KIF20B: variants seen among roughly 807,000 people sequenced by gnomAD.
The protein encoded by KIF20B is kinesin-like protein KIF20B.
In KIF20B, 188 loss-of-function variants were observed where a neutral mutation model predicts 232.5. The ratio of observed to expected loss-of-function variants is 0.81; its 90% CI spans 0.72 to 0.91. The LOEUF is 0.91. KIF20B is among the 40% of genes least tolerant of loss of function. The probability of loss-of-function intolerance (pLI) is 0.00; values close to 1 mark genes in which losing one functional copy is unlikely to be tolerated. For synonymous variants in KIF20B, 712 were observed against 683.0 expected (o/e 1.04, Z -0.66); for missense variants, 2,154 against 2,055.9 (o/e 1.05, Z -0.92).
chr10:89,732,445 G>A (rs1258222269), intron 18 of KIF20B, among the ~76,000 whole-genome samples: 1 of 151,590 alleles, frequency 6.6e-6, no homozygotes, highest in Non-Finnish European at 1.5e-5. Flanking sequence ...TTCAAGGGAG[G>A]CAGTCTGCCT....
intron 29 of KIF20B, among the ~76,000 whole-genome samples, chr10:89,765,735 G>A (rs1175302454): frequency 6.6e-6 from 1 of 152,092 alleles, no homozygotes; most frequent in Non-Finnish European, 1.5e-5. Context: ...CGTCTGTTAA[G>A]TATTTTATTT....
intron 1 of KIF20B, among the ~76,000 whole-genome samples, chr10:89,704,367 G>C (rs1842678389): frequency 6.6e-6 from 1 of 151,956 alleles, no homozygotes; most frequent in African/African-American, 2.4e-5. Flanking sequence ...TTTAGTTAAG[G>C]TTATCCTTAA....
chr10:89,746,037 T>A, intron 23 of KIF20B, 78 bp downstream of exon 23: 2 of 1,017,452 alleles, frequency 2.0e-6, no homozygotes, highest in Non-Finnish European at 3.1e-6. Flanking sequence ...GGGGTATGAC[T>A]TGCTTCATTG....
In KIF20B at chr10:89,718,720, C is replaced by G. The variant is rs770380331; in HGVS notation, c.1282C>G (p.His428Asp). The G allele has an allele frequency of 6.2e-7, 1 of 1,608,096 alleles. No individual in the cohort carries two copies. The highest frequency in any genetic ancestry group is 1.1e-5 in the South Asian group (1 of 89,548). ...AAATTTTTTCTGTAGGTTTCAACAGCATGTGCCTTTCCGGGAAAGTAAACT... is the reference window on the plus strand; with the variant it reads ...AAATTTTTTCTGTAGGTTTCAACAGGATGTGCCTTTCCGGGAAAGTAAACT... ...KNSEKSKFQQ[H>D]VPFRESKLTH... The change falls in exon 12 of 33, where the codon CAT becomes GAT. Residue 428 changes from histidine to aspartate, a missense_variant. Physicochemically the swap from His to Asp is moderately conservative, Grantham distance 81. Coordinates refer to ENST00000371728, the MANE Select transcript of KIF20B (RefSeq NM_001284259.2).
intron 5 of KIF20B, 66 bp downstream of exon 5, chr10:89,710,131 AATAC>A (rs1842807209): frequency 7.2e-7 from 1 of 1,395,438 alleles, no homozygotes; most frequent in African/African-American, 1.5e-5. Flanking sequence ...GTGTTTTTAT[AATAC>A]ATACATGTAG....
chr10:89,753,092 GAATTGT>G, intron 25 of KIF20B, among the ~76,000 whole-genome samples: 1 of 152,266 alleles, frequency 6.6e-6, no homozygotes, highest in East Asian at 1.9e-4. Context: ...TATTGGAATA[GAATTGT>G]ATATCTGAAC....
chr10:89,772,759 T>C lies in KIF20B; in HGVS notation c.5313T>C (p.Ser1771=), dbSNP rs1471547988. The change falls in exon 32 of 33, where the codon TCT becomes TCC. Residue 1771 remains serine, a synonymous_variant. Coordinates refer to ENST00000371728, the MANE Select transcript of KIF20B (RefSeq NM_001284259.2). Reference sequence around the variant, plus strand: ...TAGAAGCAAGTAAAGAAAATGTGTCTCAACCAAAACGAGCCAAACGGAAAT... The same window carrying C: ...TAGAAGCAAGTAAAGAAAATGTGTCCCAACCAAAACGAGCCAAACGGAAAT... ...SNVEASKENV[S]QPKRAKRKLY... 3 of 1,610,490 alleles carry C rather than the reference T, an allele frequency of 1.9e-6. No individual in the cohort carries two copies. The highest frequency in any genetic ancestry group is 2.5e-6 in the Non-Finnish European group (3 of 1,177,730).
At chr10:89,721,945 T>TCTGTTC (rs971148755) in intron 13 of KIF20B, among the ~76,000 whole-genome samples, 76 of 152,296 alleles carry the variant, frequency 5.0e-4, no homozygotes, top group African/African-American at 1.7e-3. Context: ...AAAGTCTTGC[T>TCTGTTC]CTGTTACCTA....
rs186627785 is a variant in KIF20B, at chr10:89,774,293, T to G, written c.*245T>G. 1 of 270,784 alleles carries G rather than the reference T, an allele frequency of 3.7e-6. No individual in the cohort carries two copies. Among genetic ancestry groups the G allele is most frequent in the African/African-American group, 2.2e-5 (1 of 45,364 alleles). 16.8% of individuals were successfully genotyped at this position (270,784 alleles called of 1,614,324 possible). A position where few individuals can be genotyped will look rare whatever the true frequency, so the allele number is the denominator to read the frequency against. ...ATCTCAGACATTGGATCAGTGAAGA[T>G]CCTAGGAAAGAGGCTGTTATTCTCA... On this transcript the variant is annotated 3_prime_UTR_variant, in exon 33 of 33. Transcript: ENST00000371728.
intron 19 of KIF20B, among the ~76,000 whole-genome samples, chr10:89,734,121 G>A (rs995521794): frequency 6.6e-6 from 1 of 151,762 alleles, no homozygotes; most frequent in African/African-American, 2.4e-5. Context: ...TATCAAAAGG[G>A]GTCATAGGCC....
At chr10:89,743,963 A>G (rs763097120) in intron 22 of KIF20B, 36 bp downstream of exon 22, 1 of 1,545,200 alleles carries the variant, frequency 6.5e-7, no homozygotes, top group Admixed American at 2.0e-5. Flanking sequence ...ATTTAAATGC[A>G]TTCTCTTGGT....
chr10:89,720,070 T>A (rs376841485), intron 13 of KIF20B, among the ~76,000 whole-genome samples: 2 of 152,222 alleles, frequency 1.3e-5, no homozygotes, highest in African/African-American at 4.8e-5. Context: ...CCCAAAAAAT[T>A]TAATATTGAT....
intron 7 of KIF20B, among the ~76,000 whole-genome samples, chr10:89,714,355 T>G (rs1842894405): frequency 6.6e-6 from 1 of 152,082 alleles, no homozygotes; most frequent in African/African-American, 2.4e-5. Context: ...GGCGCGGGCC[T>G]GTAGTCCTAG....
chr10:89,745,968 C>G lies in KIF20B; in HGVS notation c.4096+9C>G. 6.2e-7 allele frequency: 1 copy of G among 1,604,338 alleles called. No individual in the cohort carries two copies. Among genetic ancestry groups the G allele is most frequent in the Non-Finnish European group, 8.5e-7 (1 of 1,171,216 alleles). Reference sequence around the variant, plus strand: ...TGAGAGAGCATGCAAAGGTCAGGAACAAGTTTGTACTTCTGGAACCAGAAA... The same window carrying G: ...TGAGAGAGCATGCAAAGGTCAGGAAGAAGTTTGTACTTCTGGAACCAGAAA... On this transcript the variant is annotated intron_variant, in intron 23 of 32. Coordinates refer to ENST00000371728, the MANE Select transcript of KIF20B (RefSeq NM_001284259.2).
rs1296800715 is a variant in KIF20B, at chr10:89,729,202, A to T, written c.2346A>T (p.Glu782Asp). The T allele has an allele frequency of 5.3e-6, 8 of 1,495,652 alleles. No individual in the cohort carries two copies. Among genetic ancestry groups the T allele is most frequent in the African/African-American group, 1.4e-5 (1 of 70,336 alleles). 92.6% of individuals were successfully genotyped at this position (1,495,652 alleles called of 1,614,324 possible). Residue 782 changes from glutamate (E) to aspartate (D), a missense_variant, in exon 18 of 33, where the codon GAA (glutamate) becomes GAT (aspartate). Transcript: ENST00000371728. Reference protein sequence around the residue: ...IIDQKEDTINEFQNLKSHMEN... With the variant: ...IIDQKEDTINDFQNLKSHMEN... Reference sequence around the variant, plus strand: ...ATCAAAAAGAAGATACTATCAACGAATTTCAGAACCTAAAGTCTCATATGG... The same window carrying T: ...ATCAAAAAGAAGATACTATCAACGATTTTCAGAACCTAAAGTCTCATATGG...
intron 22 of KIF20B, among the ~76,000 whole-genome samples, chr10:89,745,584 T>G (rs1181780222): frequency 1.3e-5 from 2 of 152,052 alleles, no homozygotes; most frequent in African/African-American, 2.4e-5. Flanking sequence ...TTTTAATTTT[T>G]TTAAATTTTA....
intron 19 of KIF20B, among the ~76,000 whole-genome samples, chr10:89,733,827 T>G (rs1410047619): frequency 6.6e-6 from 1 of 152,146 alleles, no homozygotes; most frequent in Non-Finnish European, 1.5e-5. Context: ...TAGTCTGTAT[T>G]GAAGAAAAGA....
At chr10:89,744,586 A>C (rs964869907) in intron 22 of KIF20B, among the ~76,000 whole-genome samples, 13 of 152,234 alleles carry the variant, frequency 8.5e-5, no homozygotes, top group Non-Finnish European at 1.6e-4. Flanking sequence ...ATGCAAAAAA[A>C]CAAAAAGAGT....
chr10:89,728,417 C>G (rs899710941), intron 17 of KIF20B, among the ~76,000 whole-genome samples: 1 of 152,186 alleles, frequency 6.6e-6, no homozygotes, highest in African/African-American at 2.4e-5. Flanking sequence ...TTACCATTTA[C>G]CAGATACTCC....
Sources: allele counts gnomAD v4.1 joint callset (sites outside exome capture counted in the v4.1 genomes callset), GRCh38; gene constraint gnomAD v4.1.1; transcripts MANE v1.5; gene names NCBI Gene and HGNC (gene_info 2026-07-23, HGNC 2026-07-21).